EBF1: variants seen among roughly 807,000 people sequenced by gnomAD.
EBF1 encodes the protein transcription factor COE1.
Under a neutral mutation model 68.4 loss-of-function variants are expected in EBF1, and 10 were observed. The ratio of observed to expected loss-of-function variants is 0.15; its 90% confidence interval spans 0.09 to 0.25. The LOEUF is 0.25. Among genes scored for constraint, EBF1 ranks in the 10% least tolerant of loss-of-function variants. The probability of loss-of-function intolerance (pLI) is 1.00; values close to 1 mark genes in which losing one functional copy is unlikely to be tolerated. For synonymous variants in EBF1, 298 were observed against 299.8 expected (o/e 0.99, Z 0.06); for missense variants, 509 against 794.4 (o/e 0.64, Z 4.32).
chr5:159,022,809 G>A (rs1384626706), intron 6 of EBF1, among the ~76,000 whole-genome samples: 7 of 151,736 alleles, frequency 4.6e-5, no homozygotes, highest in Admixed American at 3.9e-4. Context: ...AGAGACAAAC[G>A]GACAGATGGA....
chr5:159,020,507 C>T (rs574640194), intron 6 of EBF1, among the ~76,000 whole-genome samples: 18 of 152,294 alleles, frequency 1.2e-4, no homozygotes, highest in South Asian at 4.1e-4. Context: ...GACTCCTCTG[C>T]TCTCTTTACC....
chr5:159,003,056 A>G (rs1762872318), intron 6 of EBF1, among the ~76,000 whole-genome samples: 2 of 152,198 alleles, frequency 1.3e-5, no homozygotes, highest in South Asian at 4.1e-4. Context: ...TAAGCTCAAG[A>G]AAGGTAAGAT....
rs1018801421 is a variant in EBF1, at chr5:158,762,559, G to A, written c.1036+14854C>T. On this transcript the variant is annotated intron_variant, in intron 10 of 15. Coordinates refer to ENST00000313708, the MANE Select transcript of EBF1 (RefSeq NM_024007.5). ...TTTTGTTCTGTTTTGTTTTTGGGAC[G>A]GAGTCTTGCTCTGTCACCCAGGCTG... 7.2e-5 allele frequency among the ~76,000 whole-genome samples: 11 copies of A among 152,052 alleles called. 1 individual carries two copies. The highest frequency in any genetic ancestry group is 2.0e-4 in the Admixed American group (3 of 15,264).
intron 10 of EBF1, among the ~76,000 whole-genome samples, chr5:158,760,155 C>T (rs539890883): frequency 2.0e-5 from 3 of 152,132 alleles, no homozygotes; most frequent in African/African-American, 7.2e-5. Context: ...AAATTCATGA[C>T]TTATGAACTT....
chr5:158,761,570 C>G (rs1771464066), intron 10 of EBF1, among the ~76,000 whole-genome samples: 1 of 152,110 alleles, frequency 6.6e-6, no homozygotes, highest in Non-Finnish European at 1.5e-5. Context: ...TTCACTATAT[C>G]CATCTGAGAA....
chr5:158,979,885 A>T (rs1458956354), intron 6 of EBF1, among the ~76,000 whole-genome samples: 8 of 152,144 alleles, frequency 5.3e-5, no homozygotes, highest in Non-Finnish European at 8.8e-5. Flanking sequence ...GGTGCCCAAA[A>T]TGCAAAGGTC....
chr5:158,946,890 A>G (rs1814861853), intron 6 of EBF1, among the ~76,000 whole-genome samples: 2 of 152,138 alleles, frequency 1.3e-5, no homozygotes, highest in South Asian at 4.1e-4. Flanking sequence ...CTGCCCAGAG[A>G]GGAGGAATCT....
chr5:158,729,681 G>T (rs1183176868), intron 11 of EBF1, among the ~76,000 whole-genome samples: 1 of 152,132 alleles, frequency 6.6e-6, no homozygotes, highest in Non-Finnish European at 1.5e-5. Flanking sequence ...TGCTTACCAA[G>T]AATAAATTGG....
intron 6 of EBF1, among the ~76,000 whole-genome samples, chr5:159,038,506 G>A (rs951195869): frequency 3.3e-5 from 5 of 152,214 alleles, no homozygotes; most frequent in African/African-American, 1.2e-4. Context: ...TTTCCATACA[G>A]GAGGAGAGTA....
intron 6 of EBF1, among the ~76,000 whole-genome samples, chr5:158,896,094 A>G (rs1039467499): frequency 1.3e-5 from 2 of 152,208 alleles, no homozygotes; most frequent in African/African-American, 2.4e-5. Context: ...AAAGAAAGAA[A>G]TAATAATATG....
chr5:158,811,641 C>T (rs188716811), intron 8 of EBF1, among the ~76,000 whole-genome samples: 7 of 152,266 alleles, frequency 4.6e-5, no homozygotes, highest in East Asian at 1.9e-4. Context: ...ACTTAACAAC[C>T]GCTATCGTAA....
At chr5:158,966,224 A>C (rs1421151231) in intron 6 of EBF1, among the ~76,000 whole-genome samples, 2 of 152,178 alleles carry the variant, frequency 1.3e-5, no homozygotes, top group Non-Finnish European at 2.9e-5. Context: ...TTCACACCCA[A>C]CTTTCCCTTC....
At chr5:158,778,780 C>T (rs1581802669) in intron 9 of EBF1, among the ~76,000 whole-genome samples, 1 of 152,210 alleles carries the variant, frequency 6.6e-6, no homozygotes, top group East Asian at 1.9e-4. Flanking sequence ...GTCATATCTG[C>T]ATAAAAACCA....
At chr5:158,930,854 CA>C (rs1810724761) in intron 6 of EBF1, among the ~76,000 whole-genome samples, 1 of 151,608 alleles carries the variant, frequency 6.6e-6, no homozygotes, top group African/African-American at 2.4e-5. Context: ...CTCTGCAATT[CA>C]AAATGGTCTC....
At chr5:158,881,156 G>A (rs778799016) in intron 6 of EBF1, among the ~76,000 whole-genome samples, 24 of 152,188 alleles carry the variant, frequency 1.6e-4, no homozygotes, top group Non-Finnish European at 2.8e-4. Flanking sequence ...TATTCAAAAC[G>A]GTAATTGATA....
chr5:158,739,669 A>G (rs1005226288), intron 10 of EBF1, among the ~76,000 whole-genome samples: 1 of 152,224 alleles, frequency 6.6e-6, no homozygotes, highest in Non-Finnish European at 1.5e-5. Flanking sequence ...TGTCTTTCTT[A>G]ACATTTAAGG....
intron 6 of EBF1, among the ~76,000 whole-genome samples, chr5:158,903,831 A>G (rs1432686268): frequency 6.6e-6 from 1 of 152,102 alleles, no homozygotes; most frequent in African/African-American, 2.4e-5. Context: ...TTGACAGAGC[A>G]CTTTACAATT....
chr5:158,958,051 C>A (rs914389397), intron 6 of EBF1, among the ~76,000 whole-genome samples: 1 of 152,112 alleles, frequency 6.6e-6, no homozygotes, highest in Non-Finnish European at 1.5e-5. Flanking sequence ...TCCTTCAAGC[C>A]CAGTCAGCTG....
chr5:159,065,195 G>T (rs1193784483), intron 6 of EBF1, among the ~76,000 whole-genome samples: 1 of 152,162 alleles, frequency 6.6e-6, no homozygotes, highest in Non-Finnish European at 1.5e-5. Context: ...CAGCATGACT[G>T]TCTGATATTC....
Sources: gnomAD v4.1 joint callset for allele counts (sites outside exome capture counted in the v4.1 genomes callset) on GRCh38, gnomAD v4.1.1 for gene constraint, MANE v1.5 for transcripts, NCBI Gene and HGNC (gene_info 2026-07-23, HGNC 2026-07-21) for gene names.